Variants in FBXW4 observed in about 807,000 individuals in gnomAD.
FBXW4 encodes F-box and WD repeat domain containing 4, also known as F-box/WD repeat-containing protein 4.
Under a neutral mutation model 61.8 loss-of-function variants are expected in FBXW4, and 40 were observed. That is an observed-to-expected ratio of 0.65 (90% confidence interval 0.50 to 0.84). The LOEUF is 0.84. Ranked by LOEUF, FBXW4 falls within the 40% of genes least tolerant of loss-of-function variation. The pLI is 0.00. For missense variants in FBXW4, 672 were observed against 753.8 expected (o/e 0.89, Z 1.27); for synonymous variants, 311 against 313.8 (o/e 0.99, Z 0.10).
At chr10:101,619,158 C>T (rs1481849558) in intron 6 of FBXW4, among the ~76,000 whole-genome samples, 1 of 152,182 alleles carries the variant, frequency 6.6e-6, no homozygotes, top group Non-Finnish European at 1.5e-5. Context: ...CAGGGCCTAG[C>T]TAGGGATACT....
At chr10:101,615,459 G>T (rs1167035590) in intron 6 of FBXW4, among the ~76,000 whole-genome samples, 1 of 152,102 alleles carries the variant, frequency 6.6e-6, no homozygotes, top group African/African-American at 2.4e-5. Flanking sequence ...CCATCTGTGT[G>T]AGCCTGATGA....
chr10:101,664,746 A>C lies in FBXW4; in HGVS notation c.1235+3140T>G, dbSNP rs528457632. Among the ~76,000 whole-genome samples, 24 of 152,358 alleles carry C rather than the reference A, an allele frequency of 1.6e-4. No individual in the cohort carries two copies. In the South Asian group the frequency reaches 5.0e-3, roughly 32 times the overall value. On this transcript the variant is annotated intron_variant, in intron 5 of 8. Transcript: ENST00000331272. Reference sequence around the variant, plus strand: ...AAGAAAGGATTCTGGTTGACATTACATTATAGCCCTTTTTGAGGATCACTT... The same window carrying C: ...AAGAAAGGATTCTGGTTGACATTACCTTATAGCCCTTTTTGAGGATCACTT...
chr10:101,671,952 T>C (rs960540467), intron 4 of FBXW4, among the ~76,000 whole-genome samples: 1 of 152,184 alleles, frequency 6.6e-6, no homozygotes, highest in African/African-American at 2.4e-5. Flanking sequence ...TTAGCCCTTC[T>C]TTTTACATAA....
chr10:101,691,111 G>A (rs535436884), intron 1 of FBXW4, among the ~76,000 whole-genome samples: 2 of 152,156 alleles, frequency 1.3e-5, no homozygotes, highest in African/African-American at 4.8e-5. Context: ...TTTGTGTAAT[G>A]CTGATAAAAA....
At chr10:101,647,230 T>A (rs1481597233) in intron 5 of FBXW4, among the ~76,000 whole-genome samples, 1 of 152,194 alleles carries the variant, frequency 6.6e-6, no homozygotes, top group Non-Finnish European at 1.5e-5. Flanking sequence ...GTTCCTCTCA[T>A]TAGTTCTAGG....
chr10:101,680,985 T>A (rs531773773), intron 1 of FBXW4, among the ~76,000 whole-genome samples: 1 of 152,174 alleles, frequency 6.6e-6, no homozygotes, highest in Non-Finnish European at 1.5e-5. Context: ...AATGTGAGGA[T>A]TGCAAAACAT....
intron 6 of FBXW4, among the ~76,000 whole-genome samples, chr10:101,620,127 A>G (rs1407947825): frequency 6.6e-6 from 1 of 150,890 alleles, no homozygotes; most frequent in African/African-American, 2.4e-5. Flanking sequence ...CTCAAGTTGC[A>G]GCAGTGACAG....
At chr10:101,653,926 T>C (rs1013164720) in intron 5 of FBXW4, among the ~76,000 whole-genome samples, 3 of 151,810 alleles carry the variant, frequency 2.0e-5, no homozygotes, top group African/African-American at 7.3e-5. Flanking sequence ...ATCGAGACCA[T>C]CCTGGCCAAC....
chr10:101,680,035 T>G (rs1023540137), intron 1 of FBXW4, among the ~76,000 whole-genome samples: 1 of 151,814 alleles, frequency 6.6e-6, no homozygotes. Context: ...TGGCCTCCAA[T>G]TCCATCCAAG....
chr10:101,614,988 T>C (rs559928447), intron 6 of FBXW4, among the ~76,000 whole-genome samples: 1 of 152,244 alleles, frequency 6.6e-6, no homozygotes, highest in Admixed American at 6.5e-5. Context: ...AGCCCCAAAC[T>C]TTGGGGGAAA....
intron 6 of FBXW4, among the ~76,000 whole-genome samples, chr10:101,621,149 G>T (rs1224471083): frequency 6.6e-6 from 1 of 152,158 alleles, no homozygotes; most frequent in Non-Finnish European, 1.5e-5. Flanking sequence ...ACAGCCCATT[G>T]TCAAGAGCCT....
intron 6 of FBXW4, among the ~76,000 whole-genome samples, chr10:101,616,477 T>C (rs963896597): frequency 5.3e-5 from 8 of 151,998 alleles, no homozygotes; most frequent in East Asian, 1.9e-4. Flanking sequence ...CAAATCAAAA[T>C]GTGAGTTGGT....
At position 101,673,679 on chromosome 10, in the gene FBXW4, A is replaced by G; in HGVS notation, c.822-6T>C. 1 of 1,609,816 alleles carries G rather than the reference A, an allele frequency of 6.2e-7. No individual in the cohort carries two copies. Among genetic ancestry groups the G allele is most frequent in the Non-Finnish European group, 8.5e-7 (1 of 1,176,576 alleles). ...GCTGCATCCAGGGCATCTGACTGAA[A>G]TGATGGAAAAGAAAATTTAAAAGTC... On this transcript the variant is annotated splice_polypyrimidine_tract_variant and splice_region_variant and intron_variant, in intron 2 of 8. Transcript: ENST00000331272.
intron 5 of FBXW4, among the ~76,000 whole-genome samples, chr10:101,656,918 C>A (rs1384373676): frequency 6.6e-6 from 1 of 152,128 alleles, no homozygotes; most frequent in Non-Finnish European, 1.5e-5. Flanking sequence ...CCACCTGTCC[C>A]CCCTACACTT....
chr10:101,651,284 A>G (rs185907584), intron 5 of FBXW4, among the ~76,000 whole-genome samples: 1 of 151,274 alleles, frequency 6.6e-6, no homozygotes, highest in East Asian at 2.0e-4. Context: ...ACTCGCCTAC[A>G]CTCTGGAGCG....
In FBXW4 at chr10:101,694,040, C is replaced by T. The variant is rs977314247; in HGVS notation, c.725+341G>A. On this transcript the variant is annotated intron_variant, in intron 1 of 8. Transcript: ENST00000331272. The surrounding 1 kb of genome is among the most constrained non-coding windows in gnomAD (Gnocchi z 6.0). ...CGTCCAAAGCACCGTACCAGACTGGCTCCTCTGGGGCGAAGGAACCGGGGC... is the reference window on the plus strand; with the variant it reads ...CGTCCAAAGCACCGTACCAGACTGGTTCCTCTGGGGCGAAGGAACCGGGGC... 1.2e-4 allele frequency among the ~76,000 whole-genome samples: 19 copies of T among 152,230 alleles called. 1 individual carries two copies. The highest frequency in any genetic ancestry group is 2.8e-4 in the Non-Finnish European group (19 of 68,028).
Position 101,694,442 on chromosome 10 carries a change from G to T in FBXW4, c.664C>A (p.Leu222Ile). ...WLRRFTSCDL[L>I]WRRIARASLN... Reference sequence around the variant, plus strand: ...GAGGCCCGGGCTATCCGGCGCCAGAGCAGATCGCAGCTGGTGAAGCGCCGC... The same window carrying T: ...GAGGCCCGGGCTATCCGGCGCCAGATCAGATCGCAGCTGGTGAAGCGCCGC... Residue 222 changes from leucine (L) to isoleucine (I), a missense_variant, in exon 1 of 9, where the codon CTC (leucine) becomes ATC (isoleucine). Physicochemically the swap from Leu to Ile is conservative, Grantham distance 5. Transcript: ENST00000331272. The surrounding 1 kb of genome is among the most constrained non-coding windows in gnomAD (Gnocchi z 6.0). 1 of 1,536,242 alleles carries T rather than the reference G, an allele frequency of 6.5e-7. No individual in the cohort carries two copies. Among genetic ancestry groups the T allele is most frequent in the South Asian group, 1.2e-5 (1 of 82,786 alleles).
At position 101,673,478 on chromosome 10, in the gene FBXW4, T is replaced by G; in HGVS notation, c.1007+10A>C. On this transcript the variant is annotated intron_variant, in intron 3 of 8. Transcript: ENST00000331272. Reference sequence around the variant, plus strand: ...GGAAAAGGGTGGAAGGAGAAACCTATAGCACTTACCCTCCTGCACTAACAA... The same window carrying G: ...GGAAAAGGGTGGAAGGAGAAACCTAGAGCACTTACCCTCCTGCACTAACAA... 6.2e-7 allele frequency: 1 copy of G among 1,613,842 alleles called. No homozygotes were observed.
intron 5 of FBXW4, among the ~76,000 whole-genome samples, chr10:101,627,257 C>G (rs975540926): frequency 6.6e-6 from 1 of 152,148 alleles, no homozygotes; most frequent in African/African-American, 2.4e-5. Flanking sequence ...AAAAGCTGCC[C>G]TTTTCTCTCA....
Sources: allele counts gnomAD v4.1 joint callset (sites outside exome capture counted in the v4.1 genomes callset), GRCh38; gene constraint gnomAD v4.1.1; non-coding constraint Gnocchi (gnomAD v3.1); transcripts MANE v1.5; gene names NCBI Gene and HGNC (gene_info 2026-07-23, HGNC 2026-07-21).